Variants in CREB5 observed in about 807,000 individuals in gnomAD.
CREB5 encodes the protein cAMP responsive element binding protein 5, also known as cyclic AMP-responsive element-binding protein 5.
In CREB5, 19 loss-of-function variants were observed where a neutral mutation model predicts 57.1. The ratio of observed to expected loss-of-function variants is 0.33; its 90% CI spans 0.23 to 0.49. The LOEUF (loss-of-function observed/expected upper bound fraction) is 0.49. Ranked by LOEUF, CREB5 falls within the 20% of genes least tolerant of loss-of-function variation. CREB5 has a pLI of 0.99. For synonymous variants in CREB5, 238 were observed against 238.3 expected (o/e 1.00, Z 0.01); for missense variants, 579 against 671.6 (o/e 0.86, Z 1.52).
At chr7:28,816,832 C>T (rs551798514) in intron 9 of CREB5, among the ~76,000 whole-genome samples, 60 of 152,318 alleles carry the variant, frequency 3.9e-4, no homozygotes, top group African/African-American at 1.4e-3. Flanking sequence ...AAGTCTCCTA[C>T]ATGTGAGGTA....
chr7:28,496,010 A>C (rs1013118631), intron 3 of CREB5, among the ~76,000 whole-genome samples: 1 of 151,594 alleles, frequency 6.6e-6, no homozygotes, highest in Non-Finnish European at 1.5e-5. Flanking sequence ...CCTGAACTCT[A>C]TCCTGGGCTT....
At chr7:28,776,213 C>G (rs1806624256) in intron 7 of CREB5, among the ~76,000 whole-genome samples, 1 of 152,024 alleles carries the variant, frequency 6.6e-6, no homozygotes, top group African/African-American at 2.4e-5. Flanking sequence ...TGGCGGGCGC[C>G]TGTAGTCCCA....
At chr7:28,683,508 G>A (rs1002881196) in intron 5 of CREB5, among the ~76,000 whole-genome samples, 3 of 152,130 alleles carry the variant, frequency 2.0e-5, no homozygotes, top group South Asian at 2.1e-4. Flanking sequence ...GTGGCTTAAC[G>A]GCGTCATCAT....
At chr7:28,734,568 G>A (rs62442170) in intron 7 of CREB5, among the ~76,000 whole-genome samples, 21,184 of 151,934 alleles carry the variant, frequency 0.14, 1,647 homozygotes, top group Middle Eastern at 0.17. Flanking sequence ...AATTTTCTCT[G>A]CTAGAAATAG....
rs114859221 is a variant in CREB5, at chr7:28,793,216, A to G, written c.703-10983A>G. ...GTGAGATTCAGAGGCAACAGATGGC[A>G]AGGAGGACCCAAATACACCATCACT... On this transcript the variant is annotated intron_variant, in intron 7 of 10. Transcript: ENST00000357727. 2.5e-3 allele frequency among the ~76,000 whole-genome samples: 388 copies of G among 152,236 alleles called. 2 individuals carry two copies. The highest frequency in any genetic ancestry group is 8.9e-3 in the African/African-American group (369 of 41,544).
intron 5 of CREB5, among the ~76,000 whole-genome samples, chr7:28,682,652 C>T (rs1800654432): frequency 6.6e-6 from 1 of 150,800 alleles, no homozygotes. Context: ...ATATACTTTT[C>T]CTTGAGGAGA....
intron 8 of CREB5, among the ~76,000 whole-genome samples, chr7:28,807,384 G>A (rs1019027630): frequency 6.6e-6 from 1 of 152,230 alleles, no homozygotes; most frequent in Non-Finnish European, 1.5e-5. Flanking sequence ...GGGCAGCAAA[G>A]GTTGCAGTGA....
At chr7:28,772,095 C>T (rs1363854750) in intron 7 of CREB5, among the ~76,000 whole-genome samples, 1 of 152,162 alleles carries the variant, frequency 6.6e-6, no homozygotes, top group Non-Finnish European at 1.5e-5. Flanking sequence ...CCAGCCCAGA[C>T]GTTAAGGGAC....
At chr7:28,652,189 C>A (rs1185136824) in intron 5 of CREB5, among the ~76,000 whole-genome samples, 1 of 151,936 alleles carries the variant, frequency 6.6e-6, no homozygotes, top group South Asian at 2.1e-4. Context: ...TTTCTCATAT[C>A]TAATAGTTTA....
At chr7:28,410,061 G>A (rs890801136), upstream of CREB5, 8 of 415,032 alleles carry the variant, frequency 1.9e-5, no homozygotes, top group African/African-American at 1.5e-4. Context: ...GGTCACCTAG[G>A]GGGCGGGTGG....
At chr7:28,550,427 G>T (rs1323560254) in intron 4 of CREB5, among the ~76,000 whole-genome samples, 2 of 152,192 alleles carry the variant, frequency 1.3e-5, no homozygotes. Context: ...GCAATGCCTG[G>T]TTGTGGAGGG....
chr7:28,776,207 G>A (rs1262625802), intron 7 of CREB5, among the ~76,000 whole-genome samples: 2 of 151,910 alleles, frequency 1.3e-5, no homozygotes, highest in Admixed American at 6.6e-5. Context: ...GTGTGGTGGC[G>A]GGCGCCTGTA....
chr7:28,706,136 C>T (rs988948745), intron 5 of CREB5, among the ~76,000 whole-genome samples: 4 of 152,172 alleles, frequency 2.6e-5, no homozygotes, highest in Non-Finnish European at 5.9e-5. Flanking sequence ...GGGTAGATCA[C>T]CTGAGGTCCG....
chr7:28,576,500 C>G (rs752627376), intron 5 of CREB5, among the ~76,000 whole-genome samples: 6 of 152,172 alleles, frequency 3.9e-5, no homozygotes, highest in African/African-American at 7.2e-5. Flanking sequence ...ATACCAGTGC[C>G]GTGGAAGACC....
chr7:28,568,447 A>C (rs1312367432), intron 4 of CREB5, among the ~76,000 whole-genome samples: 1 of 152,304 alleles, frequency 6.6e-6, no homozygotes, highest in East Asian at 1.9e-4. Context: ...CAGGGAAATA[A>C]GTTTGTCAAG....
At chr7:28,673,155 T>G (rs1372265796) in intron 5 of CREB5, among the ~76,000 whole-genome samples, 4 of 152,190 alleles carry the variant, frequency 2.6e-5, no homozygotes, top group African/African-American at 9.7e-5. Flanking sequence ...AATTTAGCGT[T>G]TAAATCTTAA....
intron 5 of CREB5, among the ~76,000 whole-genome samples, chr7:28,622,888 C>T (rs1022362946): frequency 6.6e-6 from 1 of 152,060 alleles, no homozygotes; most frequent in Non-Finnish European, 1.5e-5. Context: ...TTTAAAAATA[C>T]TCCCACCTTC....
chr7:28,451,690 T>C (rs928075200), intron 1 of CREB5, among the ~76,000 whole-genome samples: 20 of 152,084 alleles, frequency 1.3e-4, no homozygotes, highest in African/African-American at 4.6e-4. Context: ...AAAGGTTGCA[T>C]GTGCACAGAA....
chr7:28,546,665 G>C (rs1303094892), intron 4 of CREB5, among the ~76,000 whole-genome samples: 1 of 152,164 alleles, frequency 6.6e-6, no homozygotes, highest in Non-Finnish European at 1.5e-5. Flanking sequence ...ATCATCCAGG[G>C]TTATCCCACC....
Sources: gnomAD v4.1 joint callset for allele counts (sites outside exome capture counted in the v4.1 genomes callset) on GRCh38, gnomAD v4.1.1 for gene constraint, MANE v1.5 for transcripts, NCBI Gene and HGNC (gene_info 2026-07-23, HGNC 2026-07-21) for gene names.